The following DLG2 variants were observed in gnomAD, a reference collection of about 807,000 sequenced individuals.
The protein encoded by DLG2 is discs large MAGUK scaffold protein 2.
In DLG2, 45 loss-of-function variants were observed where a neutral mutation model predicts 132.5. The ratio of observed to expected loss-of-function variants is 0.34; its 90% CI spans 0.27 to 0.44. The LOEUF (loss-of-function observed/expected upper bound fraction) is 0.44. Ranked by LOEUF, DLG2 falls within the 20% of genes least tolerant of loss-of-function variation. The probability of loss-of-function intolerance (pLI) is 1.00; values close to 1 mark genes in which losing one functional copy is unlikely to be tolerated. For synonymous variants in DLG2, 424 were observed against 419.6 expected, an observed-to-expected ratio of 1.01 and a Z score of -0.13; for missense variants, 1,045 against 1,196.9, an observed-to-expected ratio of 0.87 and a Z score of 1.87.
rs2098967115 is a variant in DLG2 at position 84,426,523 on chromosome 11, T to C, written c.519+108047A>G. 1.3e-5 allele frequency among the ~76,000 whole-genome samples: 2 copies of C among 152,128 alleles called. 1 individual carries two copies. The highest frequency in any genetic ancestry group is 4.8e-5 in the African/African-American group (2 of 41,432). On this transcript the variant is annotated intron_variant, in intron 7 of 27. Coordinates refer to ENST00000376104, the MANE Select transcript of DLG2 (RefSeq NM_001142699.3). Reference sequence around the variant, plus strand: ...TGTGGATATAATAGTACTTTGCATATAGGGCCATTGTGAATATTGCTAAAT... The same window carrying C: ...TGTGGATATAATAGTACTTTGCATACAGGGCCATTGTGAATATTGCTAAAT...
intron 7 of DLG2, among the ~76,000 whole-genome samples, chr11:84,462,136 T>C (rs2154485893): frequency 6.6e-6 from 1 of 151,000 alleles, no homozygotes; most frequent in Admixed American, 6.6e-5. Context: ...CTATTATAAT[T>C]CTATAATTTA....
intron 3 of DLG2, among the ~76,000 whole-genome samples, chr11:85,578,637 A>G (rs918610343): frequency 6.6e-6 from 1 of 152,202 alleles, no homozygotes; most frequent in African/African-American, 2.4e-5. Flanking sequence ...AAAAGGCTCA[A>G]TGTCACTGAT....
intron 6 of DLG2, among the ~76,000 whole-genome samples, chr11:84,907,183 G>A (rs920487973): frequency 5.9e-5 from 9 of 152,100 alleles, no homozygotes; most frequent in Admixed American, 1.3e-4. Flanking sequence ...TGACAAGTCC[G>A]ACTTCATTTA....
At chr11:85,405,267 C>A (rs946016434) in intron 3 of DLG2, among the ~76,000 whole-genome samples, 1 of 151,858 alleles carries the variant, frequency 6.6e-6, no homozygotes, top group Non-Finnish European at 1.5e-5. Context: ...GTGAGCCTAA[C>A]TTGTATGAAG....
chr11:84,248,062 A>G (rs1345728052), intron 8 of DLG2, among the ~76,000 whole-genome samples: 1 of 152,188 alleles, frequency 6.6e-6, no homozygotes, highest in East Asian at 1.9e-4. Flanking sequence ...AGAAAAGAGG[A>G]AAACAAAGTA....
chr11:84,533,775 G>A (rs1005792078), intron 7 of DLG2, among the ~76,000 whole-genome samples: 1 of 151,752 alleles, frequency 6.6e-6, no homozygotes, highest in Non-Finnish European at 1.5e-5. Flanking sequence ...GGAGTTAATT[G>A]GTAGGTGCTT....
intron 9 of DLG2, among the ~76,000 whole-genome samples, chr11:84,110,184 G>C (rs1170816932): frequency 6.6e-6 from 1 of 152,132 alleles, no homozygotes; most frequent in African/African-American, 2.4e-5. Context: ...AAACAACAGA[G>C]CAAGAATGTG....
In DLG2 at chr11:84,681,134, T is replaced by C. The variant is rs147457393; in HGVS notation, c.358-146403A>G. 3.5e-3 allele frequency among the ~76,000 whole-genome samples: 533 copies of C among 152,326 alleles called. 3 individuals carry two copies. Among genetic ancestry groups the C allele is most frequent in the African/African-American group, 0.013 (521 of 41,578 alleles). ...ACACAGTTGCTAAACCTCTATTTTC[T>C]TTAAATGTAAAAGTCAATTTGAGAA... On this transcript the variant is annotated intron_variant, in intron 6 of 27. Coordinates refer to ENST00000376104, the MANE Select transcript of DLG2 (RefSeq NM_001142699.3).
intron 7 of DLG2, among the ~76,000 whole-genome samples, chr11:84,470,756 T>C (rs938940630): frequency 1.3e-5 from 2 of 151,634 alleles, no homozygotes; most frequent in Admixed American, 6.6e-5. Flanking sequence ...AAAGAAGTGA[T>C]AAAAAAAGGT....
chr11:84,564,069 G>T (rs921983771), intron 6 of DLG2, among the ~76,000 whole-genome samples: 2 of 152,186 alleles, frequency 1.3e-5, no homozygotes, highest in Non-Finnish European at 2.9e-5. Flanking sequence ...TAGAGGAAAA[G>T]AAAGAAGTCA....
intron 10 of DLG2, among the ~76,000 whole-genome samples, chr11:84,060,547 T>C (rs1003668856): frequency 6.6e-6 from 1 of 151,952 alleles, no homozygotes; most frequent in Non-Finnish European, 1.5e-5. Context: ...CTTTTTTTTT[T>C]TTTTTCATTT....
intron 4 of DLG2, among the ~76,000 whole-genome samples, chr11:85,281,823 G>C (rs773765208): frequency 1.3e-5 from 2 of 151,872 alleles, no homozygotes; most frequent in African/African-American, 2.4e-5. Context: ...ACTAAACTTA[G>C]AGCTGCCATA....
At chr11:83,542,832 C>T (rs914056599) in intron 19 of DLG2, among the ~76,000 whole-genome samples, 2 of 152,142 alleles carry the variant, frequency 1.3e-5, no homozygotes, top group African/African-American at 4.8e-5. Context: ...ATATGACTTT[C>T]CCAGAGAAGC....
intron 10 of DLG2, among the ~76,000 whole-genome samples, chr11:84,079,667 A>T (rs371809279): frequency 4.6e-5 from 7 of 152,188 alleles, no homozygotes; most frequent in African/African-American, 1.7e-4. Flanking sequence ...TTTTATAGAT[A>T]ACAATTTAGT....
At chr11:83,764,632 A>G (rs2094062080) in intron 18 of DLG2, among the ~76,000 whole-genome samples, 2 of 152,198 alleles carry the variant, frequency 1.3e-5, no homozygotes, top group Non-Finnish European at 2.9e-5. Flanking sequence ...ATCTTATAAC[A>G]TAGCTACTAT....
chr11:84,772,405 A>C (rs2069586479), intron 6 of DLG2, among the ~76,000 whole-genome samples: 1 of 152,178 alleles, frequency 6.6e-6, no homozygotes, highest in Admixed American at 6.5e-5. Context: ...AATAGTATCA[A>C]GTAAATTCTG....
chr11:84,397,013 AAT>A (rs1312290748), intron 7 of DLG2, among the ~76,000 whole-genome samples: 2 of 152,210 alleles, frequency 1.3e-5, no homozygotes, highest in Admixed American at 6.5e-5. Context: ...ATAAAATAAT[AAT>A]AGTTATCATT....
rs149840734 is a variant in DLG2 at position 84,689,152 on chromosome 11, A to C, written c.358-154421T>G. On this transcript the variant is annotated intron_variant, in intron 6 of 27. Transcript: ENST00000376104. ...AACTATGAAATGAGAAATTGGCTAT[A>C]CAGTTTTATCTCAAGAAAATCTGTA... Among the ~76,000 whole-genome samples, 976 of 152,266 alleles carry C rather than the reference A, an allele frequency of 6.4e-3. 8 individuals carry two copies. Among genetic ancestry groups the C allele is most frequent in the African/African-American group, 0.023 (940 of 41,562 alleles).
chr11:84,111,527 A>G (rs2093349916), intron 9 of DLG2, among the ~76,000 whole-genome samples: 1 of 152,326 alleles, frequency 6.6e-6, no homozygotes. Context: ...TAAATGTTTG[A>G]TGAGTTAAAC....
Sources: gnomAD v4.1 joint callset for allele counts (sites outside exome capture counted in the v4.1 genomes callset) on GRCh38, gnomAD v4.1.1 for gene constraint, MANE v1.5 for transcripts, NCBI Gene and HGNC (gene_info 2026-07-23, HGNC 2026-07-21) for gene names.